CRAMP1: variants seen among roughly 807,000 people sequenced by gnomAD.
CRAMP1 encodes the protein protein cramped-like.
CRAMP1 carries 50 observed loss-of-function variants against 115.4 expected under a neutral mutation model. The observed-to-expected ratio is 0.43, with a 90% CI of 0.35 to 0.55. CRAMP1 has a LOEUF of 0.55. Among genes scored for constraint, CRAMP1 ranks in the 20% least tolerant of loss-of-function variants. The probability of loss-of-function intolerance (pLI) is 0.01; values close to 1 mark genes in which losing one functional copy is unlikely to be tolerated. For missense variants in CRAMP1, 1,679 were observed against 1,721.7 expected, an observed-to-expected ratio of 0.98 and a Z score of 0.44; for synonymous variants, 866 against 745.4, an observed-to-expected ratio of 1.16 and a Z score of -2.64.
chr16:1,628,848 A>G (rs2036526642), intron 3 of CRAMP1, among the ~76,000 whole-genome samples: 1 of 152,210 alleles, frequency 6.6e-6, no homozygotes, highest in Admixed American at 6.5e-5. Flanking sequence ...ACTCCTGATC[A>G]TGGGCTGAAT....
intron 2 of CRAMP1, among the ~76,000 whole-genome samples, chr16:1,621,051 A>C (rs1285846214): frequency 6.6e-6 from 1 of 152,202 alleles, no homozygotes; most frequent in East Asian, 1.9e-4. Flanking sequence ...TTAAGGTGCC[A>C]TTTAAATACA....
chr16:1,667,452 C>A, intron 17 of CRAMP1, 52 bp downstream of exon 17: 1 of 1,450,976 alleles, frequency 6.9e-7, no homozygotes, highest in East Asian at 2.3e-5. Context: ...AGGACTCCCT[C>A]CAGTGCCCTG....
rs1013059877 is a variant in CRAMP1, at chr16:1,655,919, G to A, written c.1162G>A (p.Ala388Thr). 42 of 1,612,794 alleles carry A rather than the reference G, an allele frequency of 2.6e-5. No individual in the cohort carries two copies. Among genetic ancestry groups the A allele is most frequent in the Admixed American group, 3.3e-5 (2 of 60,004 alleles). Residue 388 changes from alanine to threonine, a missense_variant, in exon 10 of 21, where the codon GCA (alanine) becomes ACA (threonine). Ala to Thr is a moderately conservative substitution (Grantham distance 58). This residue lies in a region of CRAMP1 where 191 missense variants were observed against 236.2 expected (regional missense o/e 0.81). Transcript: ENST00000397412. ...EERQLQDSCS[A>T]PMQEKVTLHL... Reference sequence around the variant, plus strand: ...GCGGCAGCTGCAGGACTCATGCTCCGCACCGATGCAGGAGAAGGTGACACT... The same window carrying A: ...GCGGCAGCTGCAGGACTCATGCTCCACACCGATGCAGGAGAAGGTGACACT...
At chr16:1,653,274 C>A in intron 8 of CRAMP1, 118 bp downstream of exon 8, 2 of 1,226,280 alleles carry the variant, frequency 1.6e-6, no homozygotes, top group South Asian at 1.5e-5. Context: ...TATGCTCTGT[C>A]ATCACACGAG....
chr16:1,628,696 C>G (rs1331388123), intron 3 of CRAMP1, among the ~76,000 whole-genome samples: 1 of 152,224 alleles, frequency 6.6e-6, no homozygotes, highest in Admixed American at 6.5e-5. Context: ...GCACAGGCCT[C>G]TGCTCTGAGA....
chr16:1,667,986 G>T lies in CRAMP1; in HGVS notation c.3127G>T (p.Glu1043Ter). 6.2e-7 allele frequency: 1 copy of T among 1,612,308 alleles called. No individual in the cohort carries two copies. The highest frequency in any genetic ancestry group is 1.1e-5 in the South Asian group (1 of 90,880). ...GGGCTCATCTGTTCTCTCCTTATCT[G>T]AGCTGCCCAAGGCCCCTCTCCAGAA... ...FQGSSVLSLSELPKAPLQNGL... is the reference protein window; with the variant it reads ...FQGSSVLSLS The change falls in exon 18 of 21, where the codon GAG (glutamate) becomes TAG (stop). Residue 1043 changes from glutamate (E) to a stop codon, truncating the protein, a stop_gained. Coordinates refer to ENST00000397412, the MANE Select transcript of CRAMP1 (RefSeq NM_020825.4). LOFTEE classifies it high-confidence loss of function.
intron 3 of CRAMP1, among the ~76,000 whole-genome samples, chr16:1,630,035 G>T (rs1364787550): frequency 6.6e-6 from 1 of 152,134 alleles, no homozygotes; most frequent in African/African-American, 2.4e-5. Flanking sequence ...TTCTGAGGTG[G>T]ACAGGGTTGG....
intron 20 of CRAMP1, among the ~76,000 whole-genome samples, chr16:1,673,553 C>T (rs945480774): frequency 6.6e-6 from 1 of 152,230 alleles, no homozygotes; most frequent in African/African-American, 2.4e-5. Flanking sequence ...GCAGGCTGCC[C>T]CCAGTGCCTG....
intron 2 of CRAMP1, among the ~76,000 whole-genome samples, chr16:1,616,148 C>T (rs910739195): frequency 6.6e-6 from 1 of 152,156 alleles, no homozygotes; most frequent in Non-Finnish European, 1.5e-5. Context: ...TTAAAACTTG[C>T]CTCATATGAA....
In CRAMP1 at chr16:1,656,311, C is replaced by G. The variant is rs2036773155; in HGVS notation, c.1554C>G (p.Asp518Glu). The G allele has an allele frequency of 6.2e-7, 1 of 1,611,892 alleles. No individual in the cohort carries two copies. Among genetic ancestry groups the G allele is most frequent in the Non-Finnish European group, 8.5e-7 (1 of 1,179,564 alleles). Residue 518 changes from aspartate to glutamate, a missense_variant, in exon 10 of 21, where the codon GAC (aspartate) becomes GAG (glutamate). Asp to Glu is a conservative substitution (Grantham distance 45). This residue lies in a region of CRAMP1 where 405 missense variants were observed against 302.6 expected (regional missense o/e 1.34). Transcript: ENST00000397412. The surrounding 1 kb of genome is among the most constrained non-coding windows in gnomAD (Gnocchi z 5.6). ...ACAGGCCTCCTCCCAGGCACCAGGACACTGGGCCATGTCTTGAGAAGACCC... is the reference window on the plus strand; with the variant it reads ...ACAGGCCTCCTCCCAGGCACCAGGAGACTGGGCCATGTCTTGAGAAGACCC... ...APDRPPPRHQ[D>E]TGPCLEKTPA...
intron 2 of CRAMP1, among the ~76,000 whole-genome samples, chr16:1,615,417 G>A (rs1458289372): frequency 1.3e-5 from 2 of 152,164 alleles, no homozygotes; most frequent in Non-Finnish European, 2.9e-5. Context: ...GGGGAAGATG[G>A]GTAAGAAGCG....
intron 4 of CRAMP1, 97 bp from the exon 5 acceptor site, chr16:1,637,727 T>A (rs909831763): frequency 1.9e-6 from 1 of 514,890 alleles, no homozygotes; most frequent in Admixed American, 4.0e-5. Flanking sequence ...AGGGAGGAGA[T>A]CCAAGAAACC....
intron 6 of CRAMP1, among the ~76,000 whole-genome samples, chr16:1,649,422 A>G (rs1596491195): frequency 6.6e-6 from 1 of 152,100 alleles, no homozygotes; most frequent in Non-Finnish European, 1.5e-5. Flanking sequence ...AGCTACTGAA[A>G]CCCAGCTGCT....
intron 19 of CRAMP1, chr16:1,670,326 G>T: frequency 3.5e-6 from 1 of 287,212 alleles, no homozygotes; most frequent in Admixed American, 4.8e-5. Context: ...AAGAAAGTAT[G>T]GGGGTGGGGA....
At position 1,640,937 on chromosome 16, in the gene CRAMP1, G is replaced by T. The variant is rs1367239204; in HGVS notation, c.779-202G>T. On this transcript the variant is annotated intron_variant, in intron 5 of 20. Transcript: ENST00000397412. ...GCAGGGGCGTGCCAGGCTTTCAGGT[G>T]AGCGGGGGCGACCAGGGCAGCTGAC... Among the ~76,000 whole-genome samples, 5 of 152,326 alleles carry T rather than the reference G, an allele frequency of 3.3e-5. No homozygotes were observed. In the East Asian group the frequency reaches 9.6e-4, roughly 29 times the overall value.
chr16:1,662,312 T>C, intron 11 of CRAMP1, 178 bp from the exon 12 acceptor site: 1 of 596,366 alleles, frequency 1.7e-6, no homozygotes, highest in Non-Finnish European at 3.0e-6. Context: ...AGAATTTCAG[T>C]GAGAAGGATA....
At chr16:1,648,708 A>G (rs2142192298) in intron 6 of CRAMP1, among the ~76,000 whole-genome samples, 1 of 152,206 alleles carries the variant, frequency 6.6e-6, no homozygotes, top group African/African-American at 2.4e-5. Flanking sequence ...ATTAATGTTC[A>G]TAAAACTGCT....
intron 13 of CRAMP1, among the ~76,000 whole-genome samples, chr16:1,663,675 A>G (rs2036851116): frequency 6.6e-6 from 1 of 152,146 alleles, no homozygotes; most frequent in African/African-American, 2.4e-5. Flanking sequence ...ACCATGGTCT[A>G]ATCCCAGAAC....
Position 1,662,652 on chromosome 16 carries a change from A to G in CRAMP1, c.2576A>G (p.Gln859Arg), listed in dbSNP as rs1020783857. ...AAAGAAGCAGAGCTGACTTTCCGCC[A>G]GCATCTGAACTCCATCAGTGTGAGT... ...PSKEAELTFR[Q>R]HLNSISMQSD... Residue 859 changes from glutamine to arginine, a missense_variant, in exon 12 of 21, where the codon CAG becomes CGG. Gln to Arg is a conservative substitution (Grantham distance 43, BLOSUM62 1). Transcript: ENST00000397412. The G allele has an allele frequency of 2.5e-6, 4 of 1,613,906 alleles. No individual in the cohort carries two copies. In the African/African-American group the frequency reaches 5.3e-5, roughly 22 times the overall value.
Sources: allele counts gnomAD v4.1 joint callset (sites outside exome capture counted in the v4.1 genomes callset), GRCh38; gene constraint gnomAD v4.1.1; regional missense constraint gnomAD v4.1.1; non-coding constraint Gnocchi (gnomAD v3.1); transcripts MANE v1.5; gene names NCBI Gene and HGNC (gene_info 2026-07-23, HGNC 2026-07-21).